STPG2: variants seen among roughly 807,000 people sequenced by gnomAD.
The protein encoded by STPG2 is sperm tail PG-rich repeat containing 2.
In STPG2, 56 loss-of-function variants were observed where a neutral mutation model predicts 54.2. That is an observed-to-expected ratio of 1.03 (90% CI 0.83 to 1.29). The LOEUF (loss-of-function observed/expected upper bound fraction) is 1.29, where lower values mean the gene tolerates loss of function less well. Ranked by LOEUF, STPG2 falls within the 50% of genes most tolerant of loss-of-function variation. STPG2 has a pLI of 0.00. For missense variants in STPG2, 596 were observed against 544.9 expected, an observed-to-expected ratio of 1.09 and a Z score of -0.93; for synonymous variants, 200 against 181.8, an observed-to-expected ratio of 1.10 and a Z score of -0.81.
intron 5 of STPG2, among the ~76,000 whole-genome samples, chr4:98,098,923 T>A (rs1738940167): frequency 6.6e-6 from 1 of 152,100 alleles, no homozygotes; most frequent in African/African-American, 2.4e-5. Context: ...CAGTGAGATA[T>A]GATCTCACCC....
At chr4:97,976,547 A>ACCCAAATTTCATCTTG in intron 6 of STPG2, among the ~76,000 whole-genome samples, 2 of 152,154 alleles carry the variant, frequency 1.3e-5, no homozygotes, top group African/African-American at 2.4e-5. Flanking sequence ...CAGGAACCCC[A>ACCCAAATTTCATCTTG]GATCAGATCT....
chr4:97,943,099 A>G (rs1733052604), intron 8 of STPG2, among the ~76,000 whole-genome samples: 1 of 152,146 alleles, frequency 6.6e-6, no homozygotes, highest in African/African-American at 2.4e-5. Context: ...CCTCATAGAC[A>G]GTATCTTCTC....
intron 4 of STPG2, among the ~76,000 whole-genome samples, chr4:97,551,293 T>A (rs929786340): frequency 9.2e-5 from 14 of 151,980 alleles, no homozygotes; most frequent in Non-Finnish European, 1.9e-4. Context: ...AAATAGAGTA[T>A]CTCATGATTT....
intron 8 of STPG2, among the ~76,000 whole-genome samples, chr4:97,859,213 C>A (rs752873920): frequency 6.6e-6 from 1 of 151,954 alleles, no homozygotes; most frequent in Non-Finnish European, 1.5e-5. Context: ...GTTGTCTATT[C>A]ATGTCCTTTG....
chr4:98,094,132 T>G (rs1469437331), intron 5 of STPG2, among the ~76,000 whole-genome samples: 2 of 152,128 alleles, frequency 1.3e-5, no homozygotes, highest in African/African-American at 4.8e-5. Flanking sequence ...GTGCAGCTTA[T>G]AGCAATGAAA....
chr4:98,098,416 C>T (rs894301413), intron 5 of STPG2, among the ~76,000 whole-genome samples: 1 of 152,106 alleles, frequency 6.6e-6, no homozygotes, highest in African/African-American at 2.4e-5. Context: ...ACTGGATATC[C>T]ATATCCAGAA....
chr4:98,110,068 A>G (rs1461193477), intron 3 of STPG2, among the ~76,000 whole-genome samples: 3 of 152,108 alleles, frequency 2.0e-5, no homozygotes, highest in African/African-American at 7.2e-5. Context: ...ATTTTAAAAC[A>G]TATTTTTAAG....
At chr4:97,705,260 T>C (rs547472977) in intron 10 of STPG2, among the ~76,000 whole-genome samples, 2 of 152,210 alleles carry the variant, frequency 1.3e-5, no homozygotes, top group Non-Finnish European at 2.9e-5. Flanking sequence ...AGTAAAAAAC[T>C]CCCATTACTC....
chr4:97,963,623 C>T (rs1733979790), intron 7 of STPG2, among the ~76,000 whole-genome samples: 1 of 151,874 alleles, frequency 6.6e-6, no homozygotes, highest in Admixed American at 6.6e-5. Context: ...CCATTGCACT[C>T]CAGCCTGGGC....
intron 8 of STPG2, among the ~76,000 whole-genome samples, chr4:97,880,377 T>C (rs572267455): frequency 1.3e-5 from 2 of 152,272 alleles, no homozygotes. Context: ...ACAGAGCAAG[T>C]ATGCCCAAAT....
chr4:97,763,782 A>T (rs1241432470), intron 9 of STPG2, among the ~76,000 whole-genome samples: 1 of 152,098 alleles, frequency 6.6e-6, no homozygotes, highest in African/African-American at 2.4e-5. Context: ...AATGTTGCTG[A>T]TTACTTATCA....
At chr4:97,855,941 GT>G (rs1729321036) in intron 8 of STPG2, among the ~76,000 whole-genome samples, 1 of 152,130 alleles carries the variant, frequency 6.6e-6, no homozygotes. Context: ...TCCATTGCTT[GT>G]TTTTGTCAGG....
At chr4:97,653,234 C>T (rs1722124381) in intron 10 of STPG2, among the ~76,000 whole-genome samples, 1 of 151,824 alleles carries the variant, frequency 6.6e-6, no homozygotes, top group Admixed American at 6.6e-5. Flanking sequence ...ATTAGGGAAC[C>T]ACGTAGCAGC....
At chr4:97,879,932 G>T (rs1730310027) in intron 8 of STPG2, among the ~76,000 whole-genome samples, 1 of 152,108 alleles carries the variant, frequency 6.6e-6, no homozygotes, top group Non-Finnish European at 1.5e-5. Context: ...ATATTATCCA[G>T]CAATCCCATT....
chr4:97,603,440 G>A (rs1473169979), intron 10 of STPG2, among the ~76,000 whole-genome samples: 3 of 151,548 alleles, frequency 2.0e-5, no homozygotes, highest in East Asian at 1.9e-4. Context: ...ATTACCATAA[G>A]ATCAAGCAAT....
At chr4:98,105,913 A>T in intron 5 of STPG2, 40 bp downstream of exon 5, 1 of 1,495,922 alleles carries the variant, frequency 6.7e-7, no homozygotes, top group Non-Finnish European at 9.1e-7. Context: ...AATGATCTTA[A>T]AATTGGGAAA....
At chr4:97,812,048 GA>G (rs1727756049) in intron 9 of STPG2, among the ~76,000 whole-genome samples, 1 of 151,930 alleles carries the variant, frequency 6.6e-6, no homozygotes, top group African/African-American at 2.4e-5. Flanking sequence ...TAGTAAATTA[GA>G]AAATTTATCA....
rs550710395 is a variant in STPG2 at position 97,459,050 on chromosome 4, A to T, written c.462+253649T>A. On this transcript the variant is annotated intron_variant, in intron 4 of 4. Transcript: ENST00000522676. The stretch of plus-strand genomic sequence containing the variant: ...AATTATCTTCATTGTTAGGAGATAC[A>T]TGCGAAAGTATTTGAAGGTAAAAAT... Among the ~76,000 whole-genome samples the T allele has an allele frequency of 1.1e-4, 16 of 152,262 alleles. No homozygotes were observed. The South Asian group carries it at 3.3e-3, about 32-fold the overall frequency.
intron 5 of STPG2, among the ~76,000 whole-genome samples, chr4:98,055,337 G>GA (rs1267556159): frequency 6.6e-6 from 1 of 151,942 alleles, no homozygotes; most frequent in Non-Finnish European, 1.5e-5. Flanking sequence ...GAGGGACTGA[G>GA]ATGACTGCCA....
Sources: allele counts gnomAD v4.1 joint callset (sites outside exome capture counted in the v4.1 genomes callset), GRCh38; gene constraint gnomAD v4.1.1; transcripts MANE v1.5; gene names NCBI Gene and HGNC (gene_info 2026-07-23, HGNC 2026-07-21).